The following MACROD2 variants were observed in gnomAD, a reference collection of about 807,000 sequenced individuals.
The protein encoded by MACROD2 is mono-ADP ribosylhydrolase 2.
A neutral mutation model predicts 70.4 loss-of-function variants in MACROD2; 36 were observed. The observed-to-expected ratio is 0.51, with a 90% CI of 0.39 to 0.68. MACROD2 has a LOEUF of 0.68. Among genes scored for constraint, MACROD2 ranks in the 30% least tolerant of loss-of-function variants. MACROD2 has a pLI of 0.00. For missense variants in MACROD2, 496 were observed against 538.4 expected, an observed-to-expected ratio of 0.92 and a Z score of 0.78; for synonymous variants, 172 against 178.8, an observed-to-expected ratio of 0.96 and a Z score of 0.30.
intron 5 of MACROD2, among the ~76,000 whole-genome samples, chr20:15,191,943 G>GAGAGAGAC (rs1348749180): frequency 1.5e-5 from 2 of 137,790 alleles, no homozygotes; most frequent in Non-Finnish European, 3.1e-5. Flanking sequence ...GAGAGAGAGA[G>GAGAGAGAC]AGTTAATACA....
intron 5 of MACROD2, among the ~76,000 whole-genome samples, chr20:14,970,789 G>A (rs921821356): frequency 1.3e-5 from 2 of 151,942 alleles, no homozygotes; most frequent in South Asian, 2.1e-4. Flanking sequence ...TAGCTGGAAC[G>A]ACAGGTGCAC....
intron 8 of MACROD2, among the ~76,000 whole-genome samples, chr20:15,834,343 TAAAAC>T (rs1410732745): frequency 6.6e-6 from 1 of 152,066 alleles, no homozygotes; most frequent in East Asian, 1.9e-4. Flanking sequence ...CTGTCTCAAA[TAAAAC>T]AAAACAAAAT....
chr20:15,786,456 A>G (rs916845491), intron 8 of MACROD2, among the ~76,000 whole-genome samples: 1 of 152,230 alleles, frequency 6.6e-6, no homozygotes, highest in Non-Finnish European at 1.5e-5. Flanking sequence ...CTATGTAAGC[A>G]GAAAAAGTAA....
At chr20:14,684,819 C>G in intron 4 of MACROD2, 24 bp from the exon 5 acceptor site, 3 of 1,584,038 alleles carry the variant, frequency 1.9e-6, no homozygotes, top group Non-Finnish European at 2.6e-6. Context: ...CAAATATAAG[C>G]TAACTTTCTT....
At chr20:14,167,147 T>A (rs1310726132) in intron 3 of MACROD2, among the ~76,000 whole-genome samples, 1 of 152,138 alleles carries the variant, frequency 6.6e-6, no homozygotes, top group Non-Finnish European at 1.5e-5. Flanking sequence ...TCTATCCCAT[T>A]TCAGGAAGCT....
chr20:14,541,703 A>C (rs950353203), intron 4 of MACROD2, among the ~76,000 whole-genome samples: 1 of 152,042 alleles, frequency 6.6e-6, no homozygotes, highest in African/African-American at 2.4e-5. Context: ...TATCAGATTC[A>C]TTTTGTGTGG....
chr20:15,000,237 AAC>A, intron 5 of MACROD2, among the ~76,000 whole-genome samples: 1 of 152,338 alleles, frequency 6.6e-6, no homozygotes, highest in Admixed American at 6.5e-5. Flanking sequence ...AGCAAAACAA[AAC>A]ACAAACAAAC....
chr20:15,177,011 G>A (rs1229107944), intron 5 of MACROD2, among the ~76,000 whole-genome samples: 1 of 152,180 alleles, frequency 6.6e-6, no homozygotes, highest in African/African-American at 2.4e-5. Flanking sequence ...TGGCACCTGT[G>A]CCAGTGTCTG....
chr20:14,755,632 G>A (rs1249577266), intron 5 of MACROD2, among the ~76,000 whole-genome samples: 1 of 152,054 alleles, frequency 6.6e-6, no homozygotes, highest in African/African-American at 2.4e-5. Context: ...AGTAGAAGGT[G>A]TGTCAAATGA....
intron 6 of MACROD2, among the ~76,000 whole-genome samples, chr20:15,425,201 A>G (rs558846291): frequency 8.5e-5 from 13 of 152,344 alleles, no homozygotes; most frequent in East Asian, 7.7e-4. Flanking sequence ...AAAGTGATTC[A>G]TAAGTACTGG....
rs148005475 is a variant in MACROD2, at chr20:14,077,624, A to G, written c.164-7997A>G. Among the ~76,000 whole-genome samples, 198 of 152,372 alleles carry G rather than the reference A, an allele frequency of 1.3e-3. 1 individual carries two copies. In the Middle Eastern group the frequency reaches 0.027, roughly 21 times the overall value. ...AAAGAGTGTAATTTTGTCTTAAAATAAGATTACTGGTTATTCCAGAATGAG... is the reference window on the plus strand; with the variant it reads ...AAAGAGTGTAATTTTGTCTTAAAATGAGATTACTGGTTATTCCAGAATGAG... On this transcript the variant is annotated intron_variant, in intron 2 of 17. Transcript: ENST00000684519.
chr20:14,408,518 C>T (rs1034465003), intron 3 of MACROD2, among the ~76,000 whole-genome samples: 51 of 152,208 alleles, frequency 3.4e-4, no homozygotes, highest in Middle Eastern at 3.4e-3. Context: ...ATGTTTTCCA[C>T]ATGTCTTTAA....
chr20:15,669,317 T>A (rs2049945999), intron 8 of MACROD2, among the ~76,000 whole-genome samples: 1 of 152,240 alleles, frequency 6.6e-6, no homozygotes, highest in East Asian at 1.9e-4. Flanking sequence ...ATTGCACACA[T>A]GAAATGTGCA....
rs561430225 is a variant in MACROD2, at chr20:15,030,682, T to C, written c.419-199258T>C. 1.4e-4 allele frequency among the ~76,000 whole-genome samples: 21 copies of C among 152,254 alleles called. No homozygotes were observed. The South Asian group carries it at 3.7e-3, about 27-fold the overall frequency. The stretch of plus-strand genomic sequence containing the variant: ...ATAGATAGACAGATAGATAGATAGA[T>C]AGATAGTCTAGGGAGTATGGCAGAG... On this transcript the variant is annotated intron_variant, in intron 5 of 17. Transcript: ENST00000684519.
intron 2 of MACROD2, among the ~76,000 whole-genome samples, chr20:14,039,818 T>TA (rs1247078361): frequency 6.6e-6 from 1 of 150,894 alleles, no homozygotes; most frequent in East Asian, 1.9e-4. Flanking sequence ...TTTTTTTTTT[T>TA]ATTAAGTATG....
At chr20:14,692,032 A>G (rs1407712314) in intron 5 of MACROD2, among the ~76,000 whole-genome samples, 2 of 152,142 alleles carry the variant, frequency 1.3e-5, no homozygotes, top group Non-Finnish European at 2.9e-5. Context: ...TAATCTCCTT[A>G]GTGATCCTCA....
chr20:14,730,331 T>C (rs1193492599), intron 5 of MACROD2, among the ~76,000 whole-genome samples: 1 of 152,108 alleles, frequency 6.6e-6, no homozygotes, highest in African/African-American at 2.4e-5. Context: ...TCTAAACACA[T>C]TGAGGCCCAA....
intron 6 of MACROD2, among the ~76,000 whole-genome samples, chr20:15,277,153 G>A (rs1040866594): frequency 6.6e-6 from 1 of 152,142 alleles, no homozygotes; most frequent in South Asian, 2.1e-4. Flanking sequence ...ATCCCATCAT[G>A]GTTGCAAGAT....
intron 6 of MACROD2, among the ~76,000 whole-genome samples, chr20:15,361,684 A>G (rs142612104): frequency 2.2e-4 from 34 of 152,302 alleles, no homozygotes; most frequent in African/African-American, 8.2e-4. Context: ...CTTTTAATCT[A>G]TGAGCACAGT....
Sources: allele counts gnomAD v4.1 joint callset (sites outside exome capture counted in the v4.1 genomes callset), GRCh38; gene constraint gnomAD v4.1.1; transcripts MANE v1.5; gene names NCBI Gene and HGNC (gene_info 2026-07-23, HGNC 2026-07-21).